Variants in RBM11 observed in about 807,000 individuals in gnomAD.
RBM11 encodes RNA binding motif protein 11.
Under a neutral mutation model 21.4 loss-of-function variants are expected in RBM11, and 18 were observed. The ratio of observed to expected loss-of-function variants is 0.84; its 90% confidence interval spans 0.58 to 1.25. The LOEUF (loss-of-function observed/expected upper bound fraction) is 1.25. Among genes scored for constraint, RBM11 ranks in the 50% most tolerant of loss-of-function variants. RBM11 has a pLI of 0.00. For synonymous variants in RBM11, 120 were observed against 116.3 expected, an observed-to-expected ratio of 1.03 and a Z score of -0.20; for missense variants, 294 against 331.9, an observed-to-expected ratio of 0.89 and a Z score of 0.89.
At chr21:14,217,182 G>A (rs2020464672) in intron 1 of RBM11, among the ~76,000 whole-genome samples, 1 of 152,218 alleles carries the variant, frequency 6.6e-6, no homozygotes, top group Admixed American at 6.5e-5. Flanking sequence ...CAGTGCTTCA[G>A]TTTCCTTATA....
chr21:14,224,606 G>T, intron 4 of RBM11, 69 bp downstream of exon 4: 1 of 1,478,580 alleles, frequency 6.8e-7, no homozygotes, highest in African/African-American at 1.4e-5. Context: ...AAGGCTATTT[G>T]TAACATATGG....
chr21:14,222,138 A>G (rs1206814625), intron 3 of RBM11, among the ~76,000 whole-genome samples: 2 of 151,842 alleles, frequency 1.3e-5, no homozygotes, highest in Non-Finnish European at 2.9e-5. Context: ...GCTCTCTGGT[A>G]CTGTCTGGTT....
chr21:14,217,867 T>C (rs1300655560), intron 1 of RBM11, among the ~76,000 whole-genome samples: 2 of 152,190 alleles, frequency 1.3e-5, no homozygotes, highest in African/African-American at 2.4e-5. Context: ...ATAACCATTA[T>C]TTTTAGTCAA....
At chr21:14,223,859 C>A (rs1000085994) in intron 3 of RBM11, among the ~76,000 whole-genome samples, 3 of 152,050 alleles carry the variant, frequency 2.0e-5, no homozygotes, top group African/African-American at 7.2e-5. Context: ...CCAGTTTGGC[C>A]ATCTCTCGTG....
chr21:14,224,687 C>G (rs1978952595), intron 4 of RBM11, 150 bp downstream of exon 4: 1 of 1,195,238 alleles, frequency 8.4e-7, no homozygotes, highest in African/African-American at 1.6e-5. Flanking sequence ...CCTGGCCTAA[C>G]ACCATCATCC....
At chr21:14,225,470 G>T (rs1287890306) in intron 4 of RBM11, among the ~76,000 whole-genome samples, 2 of 152,000 alleles carry the variant, frequency 1.3e-5, no homozygotes, top group Non-Finnish European at 2.9e-5. Flanking sequence ...TGAAGTCCAG[G>T]GTTGTTAATC....
At chr21:14,220,537 C>A (rs77603384) in intron 2 of RBM11, among the ~76,000 whole-genome samples, 21 of 152,236 alleles carry the variant, frequency 1.4e-4, no homozygotes, top group Non-Finnish European at 2.9e-4. Flanking sequence ...CGTCTCTTTG[C>A]ATTTCTTTTT....
chr21:14,222,670 C>T (rs1386725852), intron 3 of RBM11, among the ~76,000 whole-genome samples: 2 of 152,128 alleles, frequency 1.3e-5, no homozygotes, highest in African/African-American at 4.8e-5. Context: ...GTTAGCTCTG[C>T]CACTTTATTA....
chr21:14,225,259 A>G (rs1978995938), intron 4 of RBM11, among the ~76,000 whole-genome samples: 1 of 152,332 alleles, frequency 6.6e-6, no homozygotes, highest in Non-Finnish European at 1.5e-5. Context: ...AGACAAAACT[A>G]TCCTTCTTGA....
At chr21:14,216,332 A>G in intron 1 of RBM11, 50 bp downstream of exon 1, 1 of 1,538,570 alleles carries the variant, frequency 6.5e-7, no homozygotes, top group African/African-American at 1.4e-5. Flanking sequence ...GTCGGGCCGG[A>G]AACATAGCGC....
Position 14,219,723 on chromosome 21 carries a change from T to C in RBM11, c.257T>C (p.Phe86Ser), listed in dbSNP as rs1260110595. 2.5e-6 allele frequency: 4 copies of C among 1,589,064 alleles called. No individual in the cohort carries two copies. The South Asian group carries it at 4.5e-5, about 18-fold the overall frequency. ...AGACCAATTAACGTGCAGTATCGAT[T>C]TGGTAGGTCCTGTCACTGATTAATC... Reference protein sequence around the residue: ...YGRPINVQYRFGSSRSSEPAN... With the variant: ...YGRPINVQYRSGSSRSSEPAN... Residue 86 changes from phenylalanine (F) to serine (S), a missense_variant and splice_region_variant, in exon 2 of 5, where the codon TTT becomes TCT. Transcript: ENST00000400577.
rs759949454 is a variant in RBM11, at chr21:14,216,171, C to T, written c.-16C>T. 5 of 1,606,468 alleles carry T rather than the reference C, an allele frequency of 3.1e-6. No homozygotes were observed. The Admixed American group carries it at 6.7e-5, about 22-fold the overall frequency. ...GGGTCTCAGCTCCTACTTCATTCTA[C>T]GGCCGAGACCGGAGGATGTTCCCTG... is the stretch of plus-strand genomic sequence containing the variant. On this transcript the variant is annotated 5_prime_UTR_variant, in exon 1 of 5. It adds an upstream start codon to the 5' untranslated region. Transcript: ENST00000400577.
chr21:14,216,385 T>A (rs1323159512), intron 1 of RBM11, 103 bp downstream of exon 1: 1 of 901,866 alleles, frequency 1.1e-6, no homozygotes, highest in Non-Finnish European at 1.7e-6. Flanking sequence ...CGTCCCATCC[T>A]GAGCAGGGGT....
chr21:14,217,613 G>A (rs1006837), intron 1 of RBM11, among the ~76,000 whole-genome samples: 31,582 of 151,878 alleles, frequency 0.21, 3,592 homozygotes, highest in East Asian at 0.41. Context: ...TTGATTTTAA[G>A]ACTTTTAGGT....
At chr21:14,221,931 C>G (rs1978701417) in intron 3 of RBM11, among the ~76,000 whole-genome samples, 1 of 152,136 alleles carries the variant, frequency 6.6e-6, no homozygotes, top group African/African-American at 2.4e-5. Flanking sequence ...ATCAGCCTCC[C>G]CTGCTGACTG....
intron 1 of RBM11, among the ~76,000 whole-genome samples, chr21:14,216,544 T>A (rs529154003): frequency 6.6e-6 from 1 of 152,264 alleles, no homozygotes; most frequent in African/African-American, 2.4e-5. Context: ...GATTAAGGGC[T>A]TCCCAGAGGC....
intron 3 of RBM11, 178 bp downstream of exon 3, chr21:14,221,347 C>A (rs1244540231): frequency 1.2e-6 from 1 of 802,518 alleles, no homozygotes; most frequent in Admixed American, 3.8e-5. Context: ...ATTTAAAATT[C>A]AGTCTTAATA....
intron 4 of RBM11, among the ~76,000 whole-genome samples, chr21:14,225,993 A>T (rs1979055286): frequency 6.6e-6 from 1 of 152,204 alleles, no homozygotes; most frequent in South Asian, 2.1e-4. Context: ...TTTAAAACCG[A>T]TACTTGGTTC....
chr21:14,218,975 A>G (rs901924022), intron 1 of RBM11, among the ~76,000 whole-genome samples: 1 of 152,176 alleles, frequency 6.6e-6, no homozygotes, highest in African/African-American at 2.4e-5. Context: ...GAGCCTCTCT[A>G]ATTTCTCACA....
Sources: allele counts gnomAD v4.1 joint callset (sites outside exome capture counted in the v4.1 genomes callset), GRCh38; gene constraint gnomAD v4.1.1; transcripts MANE v1.5; gene names NCBI Gene and HGNC (gene_info 2026-07-23, HGNC 2026-07-21).